The following CELA2B variants were observed in gnomAD, a reference collection of about 807,000 sequenced individuals.
CELA2B encodes chymotrypsin-like elastase family member 2B.
A neutral mutation model predicts 36.5 loss-of-function variants in CELA2B; 27 were observed. That is an observed-to-expected ratio of 0.74 (90% CI 0.55 to 1.02). CELA2B has a LOEUF of 1.02. Among genes scored for constraint, CELA2B ranks in the 50% least tolerant of loss-of-function variants. The pLI is 0.00. For synonymous variants in CELA2B, 143 were observed against 148.5 expected (o/e 0.96, Z 0.27); for missense variants, 340 against 347.8 (o/e 0.98, Z 0.18).
At chr1:15,490,220 A>C (rs1408695444) in intron 7 of CELA2B, among the ~76,000 whole-genome samples, 1 of 148,512 alleles carries the variant, frequency 6.7e-6, no homozygotes, top group South Asian at 2.2e-4. Flanking sequence ...CTTTATGTGC[A>C]TATCTATCTA....
intron 2 of CELA2B, among the ~76,000 whole-genome samples, chr1:15,476,981 CA>C (rs201527984): frequency 2.6e-5 from 4 of 151,496 alleles, no homozygotes; most frequent in Non-Finnish European, 4.4e-5. Context: ...GACTCCATCT[CA>C]AAAAAAAGAA....
Position 15,487,274 on chromosome 1 carries a change from G to A in CELA2B, c.640-11G>A. 6.2e-7 allele frequency: 1 copy of A among 1,613,738 alleles called. No homozygotes were observed. Among genetic ancestry groups the A allele is most frequent in the Non-Finnish European group, 8.5e-7 (1 of 1,179,742 alleles). ...CCCACTTCAACTCCCTATAACTCTG[G>A]CCTTCCTCAGGGAGACTCCGGTGGG... On this transcript the variant is annotated splice_polypyrimidine_tract_variant and intron_variant, in intron 6 of 7. Transcript: ENST00000375910.
chr1:15,479,933 T>C (rs866069277), intron 2 of CELA2B, among the ~76,000 whole-genome samples: 2 of 152,050 alleles, frequency 1.3e-5, no homozygotes, highest in African/African-American at 2.4e-5. Context: ...TGGGAGCCTA[T>C]GGGGTCAGAG....
intron 2 of CELA2B, among the ~76,000 whole-genome samples, chr1:15,477,045 C>T (rs1393882173): frequency 6.6e-6 from 1 of 152,170 alleles, no homozygotes; most frequent in Admixed American, 6.5e-5. Context: ...GGAGAGGTGC[C>T]TCCTCCAGCT....
chr1:15,478,228 A>T (rs1191105860), intron 2 of CELA2B, among the ~76,000 whole-genome samples: 10 of 150,430 alleles, frequency 6.6e-5, no homozygotes, highest in East Asian at 5.9e-4. Context: ...TGGGATATAT[A>T]GTTTGTTTGT....
At position 15,485,977 on chromosome 1, in the gene CELA2B, C is replaced by T. The variant is rs1047298892; in HGVS notation, c.570C>T (p.Gly190=). Residue 190 remains glycine, a synonymous_variant, in exon 6 of 8, where the codon GGC becomes GGT. Coordinates refer to ENST00000375910, the MANE Select transcript of CELA2B (RefSeq NM_015849.3). ...VVDYATCSSS[G]WWGSTVKTNM... is the part of the protein sequence containing the mutation. The stretch of plus-strand genomic sequence containing the variant: ...ACTATGCCACCTGCTCCAGCTCTGG[C>T]TGGTGGGGCAGCACCGTGAAGACGA... 1 of 1,614,218 alleles carries T rather than the reference C, an allele frequency of 6.2e-7. No individual in the cohort carries two copies. The highest frequency in any genetic ancestry group is 1.3e-5 in the African/African-American group (1 of 75,056).
intron 7 of CELA2B, 34 bp from the exon 8 acceptor site, chr1:15,491,261 A>C (rs1302060307): frequency 2.5e-6 from 4 of 1,614,082 alleles, no homozygotes; most frequent in Non-Finnish European, 2.5e-6. Context: ...TGGTTACGTG[A>C]ACCTGACAAT....
intron 5 of CELA2B, among the ~76,000 whole-genome samples, chr1:15,484,406 AT>A (rs780650413): frequency 3.0e-4 from 45 of 152,170 alleles, no homozygotes; most frequent in Non-Finnish European, 5.1e-4. Context: ...CCGTAATGAC[AT>A]TATTAGTGAT....
intron 5 of CELA2B, among the ~76,000 whole-genome samples, chr1:15,483,739 C>T (rs1043164199): frequency 1.3e-5 from 2 of 152,104 alleles, no homozygotes; most frequent in Non-Finnish European, 2.9e-5. Flanking sequence ...AGCAGCCTGG[C>T]CAACATGGTG....
At chr1:15,483,051 TGCTGGCATTACAG>T (rs372766664) in intron 4 of CELA2B, among the ~76,000 whole-genome samples, 200 bp from the exon 5 acceptor site, 2,090 of 152,158 alleles carry the variant, frequency 0.014, 17 homozygotes, top group African/African-American at 0.017. Context: ...CCTCCCAAAG[TGCTGGCATTACAG>T]GCTGGCATTA....
Position 15,476,570 on chromosome 1 carries a change from C to G in CELA2B, c.129+25C>G, listed in dbSNP as rs1347825958. On this transcript the variant is annotated intron_variant, in intron 2 of 7. Coordinates refer to ENST00000375910, the MANE Select transcript of CELA2B (RefSeq NM_015849.3). ...GGTGAGTTGACCACACTGTACTTCT[C>G]CCCGTCCCTGCCCCACTCCCTTTAC... 6 of 1,604,950 alleles carry G rather than the reference C, an allele frequency of 3.7e-6. No homozygotes were observed. In the Admixed American group the frequency reaches 1.0e-4, roughly 27 times the overall value.
chr1:15,479,865 C>A (rs183512401), intron 2 of CELA2B, among the ~76,000 whole-genome samples: 128 of 152,158 alleles, frequency 8.4e-4, no homozygotes, highest in African/African-American at 2.9e-3. Context: ...GAGGCAGAAG[C>A]GGGTTTGGTG....
Position 15,481,143 on chromosome 1 carries a change from G to A in CELA2B, c.175G>A (p.Gly59Arg), listed in dbSNP as rs202130301. The part of the protein sequence containing the change: ...SSNGQWYHTC[G>R]GSLIANSWVL... ...CAATGGCCAGTGGTACCACACCTGC[G>A]GAGGGTCCCTGATAGCCAACAGCTG... is the stretch of plus-strand genomic sequence containing the variant. Residue 59 changes from glycine (G) to arginine (R), a missense_variant, in exon 3 of 8, where the codon GGA (glycine) becomes AGA (arginine). Physicochemically the swap from Gly to Arg is moderately radical, Grantham distance 125. Coordinates refer to ENST00000375910, the MANE Select transcript of CELA2B (RefSeq NM_015849.3). 60 of 1,613,648 alleles carry A rather than the reference G, an allele frequency of 3.7e-5. No individual in the cohort carries two copies. Among genetic ancestry groups the A allele is most frequent in the African/African-American group, 1.2e-4 (9 of 75,004 alleles).
intron 5 of CELA2B, among the ~76,000 whole-genome samples, chr1:15,484,635 C>G (rs766717790): frequency 5.9e-5 from 9 of 152,074 alleles, no homozygotes; most frequent in Non-Finnish European, 1.0e-4. Flanking sequence ...CTGTTTGTTT[C>G]CCCAGCCAAC....
At chr1:15,485,151 G>A (rs1355012116) in intron 5 of CELA2B, among the ~76,000 whole-genome samples, 28 of 152,144 alleles carry the variant, frequency 1.8e-4, no homozygotes, top group Admixed American at 1.8e-3. Context: ...CTGCCTTGGC[G>A]TCCTAAACTG....
intron 2 of CELA2B, among the ~76,000 whole-genome samples, chr1:15,479,803 C>T (rs536851638): frequency 1.3e-4 from 20 of 152,112 alleles, no homozygotes; most frequent in African/African-American, 4.1e-4. Context: ...AGAGCTACGC[C>T]GATATTTGCA....
intron 3 of CELA2B, among the ~76,000 whole-genome samples, 198 bp downstream of exon 3, chr1:15,481,393 G>A (rs1708740606): frequency 6.6e-6 from 1 of 152,232 alleles, no homozygotes; most frequent in African/African-American, 2.4e-5. Context: ...TGGATGGAGT[G>A]TCTGTGCCAG....
intron 3 of CELA2B, 56 bp from the exon 4 acceptor site, chr1:15,482,209 T>C (rs1708749921): frequency 6.4e-5 from 102 of 1,599,104 alleles, no homozygotes; most frequent in Non-Finnish European, 8.7e-5. Context: ...ATCCCTAGCA[T>C]TATTCAAAGC....
At position 15,485,967 on chromosome 1, in the gene CELA2B, C is replaced by A; in HGVS notation, c.560C>A (p.Ser187Tyr). 6.2e-7 allele frequency: 1 copy of A among 1,614,196 alleles called. No homozygotes were observed. Among genetic ancestry groups the A allele is most frequent in the Non-Finnish European group, 8.5e-7 (1 of 1,180,038 alleles). ...QLLVVDYATC[S>Y]SSGWWGSTVK... The stretch of plus-strand genomic sequence containing the variant: ...CTGGTTGTGGACTATGCCACCTGCT[C>A]CAGCTCTGGCTGGTGGGGCAGCACC... Residue 187 changes from serine to tyrosine, a missense_variant, in exon 6 of 8, where the codon TCC becomes TAC. Coordinates refer to ENST00000375910, the MANE Select transcript of CELA2B (RefSeq NM_015849.3).
Sources: gnomAD v4.1 joint callset for allele counts (sites outside exome capture counted in the v4.1 genomes callset) on GRCh38, gnomAD v4.1.1 for gene constraint, MANE v1.5 for transcripts, NCBI Gene and HGNC (gene_info 2026-07-23, HGNC 2026-07-21) for gene names.